Variants in ANKS1B observed in about 807,000 individuals in gnomAD.
The protein encoded by ANKS1B is ankyrin repeat and sterile alpha motif domain-containing protein 1B.
In ANKS1B, 36 loss-of-function variants were observed where a neutral mutation model predicts 148.3. That is an observed-to-expected ratio of 0.24 (90% CI 0.19 to 0.32). ANKS1B has a LOEUF of 0.32. ANKS1B is among the 10% of genes least tolerant of loss of function. The pLI, the probability that ANKS1B is intolerant of heterozygous loss-of-function variation, is 1.00. For missense variants in ANKS1B, 1,157 were observed against 1,542.6 expected (o/e 0.75, Z 4.19); for synonymous variants, 542 against 560.8 (o/e 0.97, Z 0.47).
intron 12 of ANKS1B, among the ~76,000 whole-genome samples, chr12:99,326,252 G>A (rs1447620561): frequency 6.6e-6 from 1 of 151,902 alleles, no homozygotes; most frequent in Middle Eastern, 3.2e-3. Flanking sequence ...CAGGTTTTTG[G>A]GATACTCAAG....
intron 19 of ANKS1B, among the ~76,000 whole-genome samples, chr12:98,809,284 C>T (rs1262139221): frequency 6.6e-6 from 1 of 152,220 alleles, no homozygotes; most frequent in Non-Finnish European, 1.5e-5. Flanking sequence ...CTAGCAAGTT[C>T]AGTCTTAGAC....
At chr12:99,686,027 G>C (rs1424792642) in intron 8 of ANKS1B, among the ~76,000 whole-genome samples, 1 of 152,058 alleles carries the variant, frequency 6.6e-6, no homozygotes, top group Non-Finnish European at 1.5e-5. Flanking sequence ...TGGGTACAGT[G>C]TACACTGTTT....
At chr12:99,239,350 A>C (rs1024433974) in intron 14 of ANKS1B, among the ~76,000 whole-genome samples, 1 of 152,190 alleles carries the variant, frequency 6.6e-6, no homozygotes, top group Non-Finnish European at 1.5e-5. Context: ...AAATAAAGCA[A>C]GAAGACAAGA....
chr12:98,735,708 C>G (rs1212006995), intron 9 of ANKS1B: 7 of 660,270 alleles, frequency 1.1e-5, no homozygotes, highest in African/African-American at 3.5e-5. Flanking sequence ...TTGAGATGTA[C>G]CATGTGCCTG....
At chr12:99,755,812 A>C (rs1320428468) in intron 8 of ANKS1B, among the ~76,000 whole-genome samples, 1 of 152,152 alleles carries the variant, frequency 6.6e-6, no homozygotes, top group Non-Finnish European at 1.5e-5. Flanking sequence ...ACATCCATTC[A>C]TGTTAAAAAC....
At chr12:98,956,930 G>GT (rs1220253148) in intron 17 of ANKS1B, among the ~76,000 whole-genome samples, 1 of 152,074 alleles carries the variant, frequency 6.6e-6, no homozygotes, top group Non-Finnish European at 1.5e-5. Flanking sequence ...GCTACTTAAA[G>GT]AATACCATCT....
intron 9 of ANKS1B, among the ~76,000 whole-genome samples, chr12:99,527,585 T>C (rs1480316565): frequency 3.3e-5 from 5 of 152,158 alleles, no homozygotes; most frequent in Non-Finnish European, 5.9e-5. Context: ...CAGGTCATGT[T>C]GATGCAAATT....
At chr12:99,453,115 C>T (rs893092577) in intron 10 of ANKS1B, among the ~76,000 whole-genome samples, 5 of 151,956 alleles carry the variant, frequency 3.3e-5, no homozygotes, top group Non-Finnish European at 7.4e-5. Flanking sequence ...ATGGTGAAAC[C>T]CCGTCTCTAC....
chr12:99,543,374 A>G (rs2097144611), intron 9 of ANKS1B, among the ~76,000 whole-genome samples: 1 of 152,174 alleles, frequency 6.6e-6, no homozygotes, highest in Non-Finnish European at 1.5e-5. Flanking sequence ...TGCTGGTGGT[A>G]TTGTAAAATA....
intron 17 of ANKS1B, among the ~76,000 whole-genome samples, chr12:99,004,666 G>C (rs1395198351): frequency 6.6e-6 from 1 of 151,938 alleles, no homozygotes; most frequent in Admixed American, 6.6e-5. Flanking sequence ...GTGGGTGCTG[G>C]GTGGGGGGGA....
chr12:99,475,064 C>T (rs556007952), intron 10 of ANKS1B, among the ~76,000 whole-genome samples: 1 of 151,072 alleles, frequency 6.6e-6, no homozygotes, highest in South Asian at 2.1e-4. Flanking sequence ...TGGTGAAATG[C>T]CATCTGTACT....
At chr12:99,430,123 G>A (rs1182073020) in intron 11 of ANKS1B, among the ~76,000 whole-genome samples, 1 of 150,844 alleles carries the variant, frequency 6.6e-6, no homozygotes, top group Non-Finnish European at 1.5e-5. Flanking sequence ...TTTTGTGATT[G>A]TTTCAAAATA....
intron 1 of ANKS1B, among the ~76,000 whole-genome samples, chr12:99,925,274 A>ACCAGTG (rs1449920224): frequency 2.0e-5 from 3 of 152,162 alleles, no homozygotes; most frequent in Admixed American, 6.6e-5. Flanking sequence ...TTGGGAAGTA[A>ACCAGTG]CCAGTGGGCT....
chr12:99,038,043 G>A (rs1040859146), intron 17 of ANKS1B, among the ~76,000 whole-genome samples: 4 of 152,282 alleles, frequency 2.6e-5, no homozygotes, highest in Admixed American at 1.3e-4. Flanking sequence ...CTGCATGAAA[G>A]GATAGCCTTT....
At chr12:99,090,631 A>G (rs554727748) in intron 15 of ANKS1B, among the ~76,000 whole-genome samples, 1 of 152,274 alleles carries the variant, frequency 6.6e-6, no homozygotes, top group African/African-American at 2.4e-5. Context: ...TTTAATATTT[A>G]GCCTTTTATA....
chr12:99,535,089 C>T (rs550074420), intron 9 of ANKS1B, among the ~76,000 whole-genome samples: 9 of 152,132 alleles, frequency 5.9e-5, no homozygotes, highest in Non-Finnish European at 1.0e-4. Context: ...GCTTTAATAA[C>T]CAACCACTAG....
intron 9 of ANKS1B, among the ~76,000 whole-genome samples, chr12:99,537,477 C>CA (rs2153108952): frequency 6.6e-6 from 1 of 152,228 alleles, no homozygotes; most frequent in Non-Finnish European, 1.5e-5. Flanking sequence ...GATGATAGCT[C>CA]ATTGCAGTTT....
intron 17 of ANKS1B, among the ~76,000 whole-genome samples, chr12:98,948,821 C>G (rs570722038): frequency 6.6e-6 from 1 of 151,056 alleles, no homozygotes; most frequent in African/African-American, 2.4e-5. Flanking sequence ...GCAACAGGCT[C>G]AAGAGCACAC....
rs1378893434 is a variant in ANKS1B at position 99,869,291 on chromosome 12, GAATA to G, written c.135-43906_135-43903del. 5.3e-5 allele frequency among the ~76,000 whole-genome samples: 8 copies of G among 152,220 alleles called. No homozygotes were observed. In the East Asian group the frequency reaches 1.4e-3, roughly 26 times the overall value. On this transcript the variant is annotated intron_variant, in intron 1 of 26. Transcript: ENST00000683438. ...GAGGAGGTACACCATCAGACAACTAGAATAATTAAGACAGTATGGTATTGGCACA... is the reference window on the plus strand; with the variant it reads ...GAGGAGGTACACCATCAGACAACTAGATTAAGACAGTATGGTATTGGCACA...
Sources: gnomAD v4.1 joint callset for allele counts (sites outside exome capture counted in the v4.1 genomes callset) on GRCh38, gnomAD v4.1.1 for gene constraint, MANE v1.5 for transcripts, NCBI Gene and HGNC (gene_info 2026-07-23, HGNC 2026-07-21) for gene names.